NAALADL2: variants seen among roughly 807,000 people sequenced by gnomAD.
NAALADL2 encodes the protein inactive N-acetylated-alpha-linked acidic dipeptidase-like protein 2.
Under a neutral mutation model 87.2 loss-of-function variants are expected in NAALADL2, and 76 were observed. That is an observed-to-expected ratio of 0.87 (90% CI 0.72 to 1.05). The LOEUF is 1.05. NAALADL2 is among the 50% of genes least tolerant of loss of function. NAALADL2 has a pLI of 0.00. For missense variants in NAALADL2, 1,089 were observed against 945.8 expected (o/e 1.15, Z -1.99); for synonymous variants, 354 against 331.0 (o/e 1.07, Z -0.75).
At chr3:174,745,510 C>G (rs113821368) in intron 3 of NAALADL2, among the ~76,000 whole-genome samples, 25,893 of 152,068 alleles carry the variant, frequency 0.17, 2,457 homozygotes, top group African/African-American at 0.25. Context: ...ACTAGAGGTA[C>G]AAAGAGGAGC....
upstream of NAALADL2, among the ~76,000 whole-genome samples, chr3:174,858,566 T>C (rs1726109129): frequency 6.6e-6 from 1 of 152,076 alleles, no homozygotes. Flanking sequence ...AACAGTTTTT[T>C]TCAGGTCTCT....
At chr3:175,747,805 C>A (rs1302691510) in intron 12 of NAALADL2, among the ~76,000 whole-genome samples, 1 of 152,156 alleles carries the variant, frequency 6.6e-6, no homozygotes, top group Non-Finnish European at 1.5e-5. Flanking sequence ...CCCAAGCAGT[C>A]TGTAGCCAGA....
intron 5 of NAALADL2, among the ~76,000 whole-genome samples, chr3:175,438,751 A>G (rs868039207): frequency 5.9e-5 from 9 of 152,134 alleles, no homozygotes; most frequent in Non-Finnish European, 8.8e-5. Flanking sequence ...TATAAATGCA[A>G]TTTTTATCCT....
chr3:175,558,356 A>G (rs1424271796), intron 9 of NAALADL2, among the ~76,000 whole-genome samples: 6 of 151,890 alleles, frequency 4.0e-5, no homozygotes, highest in Admixed American at 3.9e-4. Context: ...ATAGTTTGTA[A>G]ATATTTTCTC....
chr3:175,142,942 A>C (rs2108737196), intron 2 of NAALADL2, among the ~76,000 whole-genome samples: 1 of 152,110 alleles, frequency 6.6e-6, no homozygotes, highest in South Asian at 2.1e-4. Flanking sequence ...ATGATCATGT[A>C]GATATTGAAA....
At chr3:175,072,727 T>C (rs1000468266) in intron 1 of NAALADL2, among the ~76,000 whole-genome samples, 15 of 146,004 alleles carry the variant, frequency 1.0e-4, no homozygotes, top group Admixed American at 3.4e-4. Flanking sequence ...TTAGGAGATA[T>C]ACCTAATGCT....
Position 174,963,212 on chromosome 3 carries a change from A to C in NAALADL2, c.43+103762A>C, listed in dbSNP as rs550425680. ...ACAAAACAACTGAAGGTATTAGAAA[A>C]CTTGGTGTGTTTCATGTAACAGATA... is the stretch of plus-strand genomic sequence containing the variant. On this transcript the variant is annotated intron_variant, in intron 1 of 13. Coordinates refer to ENST00000454872, the MANE Select transcript of NAALADL2 (RefSeq NM_207015.3). Among the ~76,000 whole-genome samples the C allele has an allele frequency of 2.4e-4, 37 of 152,214 alleles. 1 individual carries two copies. In the South Asian group the frequency reaches 7.5e-3, roughly 31 times the overall value.
At chr3:175,746,970 T>G (rs942553624) in intron 12 of NAALADL2, among the ~76,000 whole-genome samples, 3 of 152,200 alleles carry the variant, frequency 2.0e-5, no homozygotes, top group African/African-American at 7.2e-5. Context: ...TAACACACTT[T>G]AGATCATCTC....
intron 1 of NAALADL2, among the ~76,000 whole-genome samples, chr3:174,866,887 A>AT (rs1331619396): frequency 2.0e-5 from 3 of 151,644 alleles, no homozygotes; most frequent in Admixed American, 1.3e-4. Flanking sequence ...CATATTTTAT[A>AT]TTTTTTCCAG....
chr3:175,245,593 A>G (rs1204015327), intron 3 of NAALADL2, among the ~76,000 whole-genome samples: 1 of 152,204 alleles, frequency 6.6e-6, no homozygotes, highest in East Asian at 1.9e-4. Flanking sequence ...TGCTATTGAA[A>G]CATAGTCACT....
intron 9 of NAALADL2, among the ~76,000 whole-genome samples, chr3:175,543,486 A>G (rs1234447347): frequency 6.6e-6 from 1 of 152,148 alleles, no homozygotes; most frequent in East Asian, 1.9e-4. Flanking sequence ...TATAAAGAAA[A>G]AAGAGGTTTA....
At chr3:174,872,655 C>T (rs1234877818) in intron 1 of NAALADL2, among the ~76,000 whole-genome samples, 6 of 151,920 alleles carry the variant, frequency 3.9e-5, no homozygotes, top group Non-Finnish European at 5.9e-5. Context: ...GGATCATAGC[C>T]GCTCATAGCT....
Position 174,449,029 on chromosome 3 carries a change from G to A in NAALADL2, c.-184+7997G>A, listed in dbSNP as rs564929666. Among the ~76,000 whole-genome samples the A allele has an allele frequency of 4.6e-5, 7 of 152,282 alleles. No individual in the cohort carries two copies. The East Asian group carries it at 1.4e-3, about 29-fold the overall frequency. On this transcript the variant is annotated intron_variant, in intron 1 of 3. Transcript: ENST00000434257. ...TATAGGATAATTGGACTGGTTTCAA[G>A]AGCTTAAATAGTTGTTATAACAGAT...
chr3:175,466,688 G>A (rs927921690), intron 7 of NAALADL2, among the ~76,000 whole-genome samples: 3 of 152,030 alleles, frequency 2.0e-5, no homozygotes, highest in Non-Finnish European at 2.9e-5. Flanking sequence ...TGTTAGATAA[G>A]GGTTTCACTG....
At chr3:175,122,301 AG>A (rs1283288556) in intron 2 of NAALADL2, among the ~76,000 whole-genome samples, 1 of 151,856 alleles carries the variant, frequency 6.6e-6, no homozygotes, top group Non-Finnish European at 1.5e-5. Flanking sequence ...GCACTGGAAA[AG>A]TTTTATTGTA....
intron 10 of NAALADL2, among the ~76,000 whole-genome samples, chr3:175,623,302 G>A (rs62284514): frequency 0.16 from 2,448 of 15,540 alleles, 21 homozygotes; most frequent in Middle Eastern, 0.36. Flanking sequence ...CTTACCTAAA[G>A]GTTCTTTTAT....
At chr3:175,757,589 T>C (rs907291627) in intron 13 of NAALADL2, among the ~76,000 whole-genome samples, 46 of 152,260 alleles carry the variant, frequency 3.0e-4, no homozygotes, top group African/African-American at 1.1e-3. Context: ...AATTTTCCAA[T>C]ATTATGATTC....
intron 3 of NAALADL2, among the ~76,000 whole-genome samples, chr3:174,799,015 C>A (rs1279000010): frequency 6.6e-6 from 1 of 151,926 alleles, no homozygotes; most frequent in African/African-American, 2.4e-5. Context: ...ACTAAAAATA[C>A]AAAAATTACT....
At chr3:174,791,559 T>A (rs73050130) in intron 3 of NAALADL2, among the ~76,000 whole-genome samples, 13,194 of 152,208 alleles carry the variant, frequency 0.087, 635 homozygotes, top group Middle Eastern at 0.15. Context: ...CAGTTTATAG[T>A]ATTTTGTTAC....
Sources: gnomAD v4.1 joint callset for allele counts (sites outside exome capture counted in the v4.1 genomes callset) on GRCh38, gnomAD v4.1.1 for gene constraint, MANE v1.5 for transcripts, NCBI Gene and HGNC (gene_info 2026-07-23, HGNC 2026-07-21) for gene names.